SEC22A: variants seen among roughly 807,000 people sequenced by gnomAD.
The protein encoded by SEC22A is SEC22 homolog A, vesicle trafficking protein, also known as vesicle-trafficking protein SEC22a.
In SEC22A, 22 loss-of-function variants were observed where a neutral mutation model predicts 35.3. That is an observed-to-expected ratio of 0.62 (90% CI 0.45 to 0.89). The LOEUF is 0.89. Ranked by LOEUF, SEC22A falls within the 40% of genes least tolerant of loss-of-function variation. The pLI, the probability that SEC22A is intolerant of heterozygous loss-of-function variation, is 0.00. For synonymous variants in SEC22A, 119 were observed against 129.5 expected (o/e 0.92, Z 0.55); for missense variants, 354 against 362.5 (o/e 0.98, Z 0.19).
intron 4 of SEC22A, among the ~76,000 whole-genome samples, chr3:123,233,759 C>A (rs1321897300): frequency 6.6e-6 from 1 of 152,052 alleles, no homozygotes; most frequent in Admixed American, 6.5e-5. Context: ...TGGTGAAAGA[C>A]AGGATGCTTT....
chr3:123,259,415 G>A (rs1937826456), intron 5 of SEC22A, 109 bp from the exon 6 acceptor site: 2 of 741,556 alleles, frequency 2.7e-6, no homozygotes, highest in Admixed American at 2.3e-5. Context: ...ATACCAGTGT[G>A]TGACAATTTT....
chr3:123,253,589 A>G (rs1370343306), intron 5 of SEC22A, among the ~76,000 whole-genome samples: 2 of 151,974 alleles, frequency 1.3e-5, no homozygotes, highest in Non-Finnish European at 2.9e-5. Flanking sequence ...GCAGGTGCCT[A>G]TAATCCCAGT....
chr3:123,248,799 C>G (rs775469246), intron 5 of SEC22A, among the ~76,000 whole-genome samples: 1 of 152,238 alleles, frequency 6.6e-6, no homozygotes, highest in Non-Finnish European at 1.5e-5. Context: ...TGTACTCTCA[C>G]GATTCTCAAT....
intron 2 of SEC22A, among the ~76,000 whole-genome samples, chr3:123,217,237 G>A (rs7646490): frequency 0.18 from 26,824 of 150,438 alleles, 2,650 homozygotes; most frequent in Admixed American, 0.26. Flanking sequence ...TCGCTCTGTC[G>A]CCCAGGCTGG....
At position 123,240,384 on chromosome 3, in the gene SEC22A, TA is replaced by T. The variant is rs1177300986; in HGVS notation, c.542-5511del. On this transcript the variant is annotated intron_variant, in intron 4 of 6. Transcript: ENST00000492595. The stretch of plus-strand genomic sequence containing the variant: ...CTTTGTTTTGTTCCAGAACTTTATA[TA>T]AAAGAAGACTACATTGTGTGACTAT... Among the ~76,000 whole-genome samples the T allele has an allele frequency of 2.6e-5, 4 of 152,228 alleles. No homozygotes were observed. The East Asian group carries it at 7.7e-4, about 29-fold the overall frequency.
chr3:123,206,994 A>G (rs1323584093), intron 1 of SEC22A, among the ~76,000 whole-genome samples: 1 of 152,208 alleles, frequency 6.6e-6, no homozygotes, highest in Non-Finnish European at 1.5e-5. Flanking sequence ...AGGCTGAGGC[A>G]TGAGAATTGC....
chr3:123,265,542 A>G (rs1938007082), intron 6 of SEC22A, among the ~76,000 whole-genome samples: 2 of 152,118 alleles, frequency 1.3e-5, no homozygotes, highest in Non-Finnish European at 2.9e-5. Flanking sequence ...TCACAGAACA[A>G]AAGTTTTTAA....
At position 123,273,541 on chromosome 3, in the gene SEC22A, T is replaced by TGACCCAGGC. The variant is rs1320767871; in HGVS notation, c.*1819_*1820insGACCCAGGC. On this transcript the variant is annotated 3_prime_UTR_variant, in exon 7 of 7. Transcript: ENST00000492595. ...AGGGTTTCAGGCCAGGCACGGTGAC[T>TGACCCAGGC]CAGGCCTGTAATCCCAGCACTTTGG... 2 of 152,278 alleles carry TGACCCAGGC rather than the reference T, an allele frequency of 1.3e-5. No homozygotes were observed. Among genetic ancestry groups the TGACCCAGGC allele is most frequent in the East Asian group, 3.8e-4 (2 of 5,204 alleles). 9.4% of individuals were successfully genotyped at this position (152,278 alleles called of 1,614,324 possible). A position where few individuals can be genotyped will look rare whatever the true frequency, so the allele number is the denominator to read the frequency against.
chr3:123,245,747 A>T, intron 4 of SEC22A, 152 bp from the exon 5 acceptor site: 1 of 525,584 alleles, frequency 1.9e-6, no homozygotes, highest in Middle Eastern at 5.2e-4. Context: ...TTTTCATTTT[A>T]TAACAGTATT....
chr3:123,258,775 AG>A (rs1480245519), intron 5 of SEC22A, among the ~76,000 whole-genome samples: 1 of 152,156 alleles, frequency 6.6e-6, no homozygotes, highest in Non-Finnish European at 1.5e-5. Flanking sequence ...CCTGCCTGGA[AG>A]AAAAAAAAAT....
rs1936862876 is a variant in SEC22A at position 123,206,889 on chromosome 3, A to G, written c.-19-2310A>G. Among the ~76,000 whole-genome samples the G allele has an allele frequency of 2.0e-5, 3 of 152,210 alleles. No homozygotes were observed. In the South Asian group the frequency reaches 6.2e-4, roughly 32 times the overall value. Reference sequence around the variant, plus strand: ...GATCACTTCAGGCCAGGAGTTTGAGACCAGCCTGGCCAACATGGCGAAACC... The same window carrying G: ...GATCACTTCAGGCCAGGAGTTTGAGGCCAGCCTGGCCAACATGGCGAAACC... On this transcript the variant is annotated intron_variant, in intron 1 of 6. Transcript: ENST00000492595.
At chr3:123,269,787 CA>C in intron 6 of SEC22A, among the ~76,000 whole-genome samples, 1 of 152,034 alleles carries the variant, frequency 6.6e-6, no homozygotes, top group East Asian at 1.9e-4. Context: ...CGCCCGCCAC[CA>C]CACCCGACTA....
At chr3:123,263,783 CATAAG>C (rs1234211724) in intron 6 of SEC22A, among the ~76,000 whole-genome samples, 1 of 152,102 alleles carries the variant, frequency 6.6e-6, no homozygotes, top group Admixed American at 6.5e-5. Flanking sequence ...GGATTACAGG[CATAAG>C]CCAGATAGGC....
At chr3:123,226,309 C>T (rs1366038080) in intron 4 of SEC22A, among the ~76,000 whole-genome samples, 1 of 152,208 alleles carries the variant, frequency 6.6e-6, no homozygotes, top group Non-Finnish European at 1.5e-5. Context: ...TACTAATTTA[C>T]ATCCCCACCA....
chr3:123,252,840 G>C (rs555266273), intron 5 of SEC22A, among the ~76,000 whole-genome samples: 4 of 152,254 alleles, frequency 2.6e-5, no homozygotes, highest in Admixed American at 2.6e-4. Context: ...TTTAAACTGG[G>C]GAGGCTTAGG....
At chr3:123,207,948 G>A (rs1019239204) in intron 1 of SEC22A, among the ~76,000 whole-genome samples, 3 of 152,208 alleles carry the variant, frequency 2.0e-5, no homozygotes, top group Admixed American at 6.5e-5. Context: ...GATTATAAAA[G>A]TAGTATATGT....
At chr3:123,211,185 G>A (rs559714379) in intron 2 of SEC22A, among the ~76,000 whole-genome samples, 3 of 152,240 alleles carry the variant, frequency 2.0e-5, no homozygotes, top group Admixed American at 2.0e-4. Flanking sequence ...AGGGCCTGAA[G>A]TAAGAAAATA....
At chr3:123,220,354 G>T (rs947552360) in intron 2 of SEC22A, among the ~76,000 whole-genome samples, 1 of 152,008 alleles carries the variant, frequency 6.6e-6, no homozygotes, top group African/African-American at 2.4e-5. Context: ...GTTATTATGG[G>T]GTATATTTGA....
chr3:123,243,329 G>T (rs1300587222), intron 4 of SEC22A, among the ~76,000 whole-genome samples: 1 of 152,174 alleles, frequency 6.6e-6, no homozygotes, highest in Non-Finnish European at 1.5e-5. Flanking sequence ...GATACAGTGA[G>T]ACCAAGTATA....
Sources: allele counts gnomAD v4.1 joint callset (sites outside exome capture counted in the v4.1 genomes callset), GRCh38; gene constraint gnomAD v4.1.1; transcripts MANE v1.5; gene names NCBI Gene and HGNC (gene_info 2026-07-23, HGNC 2026-07-21).